The following SRP72 variants were observed in gnomAD, a reference collection of about 807,000 sequenced individuals.
SRP72 encodes the protein signal recognition particle subunit SRP72.
A neutral mutation model predicts 96.3 loss-of-function variants in SRP72; 49 were observed. That is an observed-to-expected ratio of 0.51 (90% CI 0.40 to 0.65). The LOEUF (loss-of-function observed/expected upper bound fraction) is 0.65. Among genes scored for constraint, SRP72 ranks in the 30% least tolerant of loss-of-function variants. The pLI is 0.00. For missense variants in SRP72, 736 were observed against 793.3 expected, an observed-to-expected ratio of 0.93 and a Z score of 0.87; for synonymous variants, 267 against 275.2, an observed-to-expected ratio of 0.97 and a Z score of 0.30.
chr4:56,482,054 G>A (rs941285807), intron 8 of SRP72, among the ~76,000 whole-genome samples: 32 of 151,468 alleles, frequency 2.1e-4, no homozygotes, highest in African/African-American at 7.7e-4. Context: ...GTGAGCCACT[G>A]TGCCTGGCCA....
intron 17 of SRP72, among the ~76,000 whole-genome samples, chr4:56,498,169 A>AT (rs1413323012): frequency 9.9e-5 from 15 of 151,890 alleles, no homozygotes; most frequent in African/African-American, 3.4e-4. Context: ...TGGTCTCTGA[A>AT]TTTTTTTGTC....
Position 56,469,745 on chromosome 4 carries a change from A to G in SRP72, c.202A>G (p.Ile68Val), listed in dbSNP as rs1414883421. The stretch of plus-strand genomic sequence containing the variant: ...AAGTTTCAAGGAAGCTTTGAATGTC[A>G]TCAATACTCACACCAAAGTGTTAGC... ...NGSFKEALNVINTHTKVLANN... is the reference protein window; with the variant it reads ...NGSFKEALNVVNTHTKVLANN... The change falls in exon 2 of 19, where the codon ATC (isoleucine) becomes GTC (valine). Residue 68 changes from isoleucine (I) to valine (V), a missense_variant. By Grantham distance (29) the Ile-to-Val change is conservative (BLOSUM62 3). Transcript: ENST00000642900. 8.1e-6 allele frequency: 13 copies of G among 1,611,662 alleles called. No homozygotes were observed. The South Asian group carries it at 1.2e-4, about 15-fold the overall frequency.
At chr4:56,492,316 A>G (rs1023653015) in intron 16 of SRP72, among the ~76,000 whole-genome samples, 3 of 152,206 alleles carry the variant, frequency 2.0e-5, no homozygotes, top group Non-Finnish European at 4.4e-5. Context: ...CATTTAGTAT[A>G]TGATTTCTTT....
At chr4:56,468,971 A>G (rs1487726892) in intron 1 of SRP72, among the ~76,000 whole-genome samples, 1 of 152,216 alleles carries the variant, frequency 6.6e-6, no homozygotes, top group African/African-American at 2.4e-5. Context: ...AACACCGAAC[A>G]GTTGTTAGCG....
At position 56,490,275 on chromosome 4, in the gene SRP72, C is replaced by T. The variant is rs898529311; in HGVS notation, c.1321-58C>T. 10 of 1,331,500 alleles carry T rather than the reference C, an allele frequency of 7.5e-6. No homozygotes were observed. The East Asian group carries it at 1.8e-4, about 25-fold the overall frequency. 82.5% of individuals were successfully genotyped at this position (1,331,500 alleles called of 1,614,324 possible). ...CTTAAAGGTCTAATGAATATAACTG[C>T]ATGCACTTGCTAGATATTTAACTTG... On this transcript the variant is annotated intron_variant, in intron 13 of 18. Transcript: ENST00000642900.
chr4:56,480,921 A>G (rs536704744), intron 8 of SRP72, among the ~76,000 whole-genome samples: 1 of 152,222 alleles, frequency 6.6e-6, no homozygotes, highest in African/African-American at 2.4e-5. Context: ...CACAAAAAAA[A>G]GTACATATGA....
rs888290138 is a variant in SRP72, at chr4:56,481,397, T to C, written c.826-1742T>C. 2.0e-5 allele frequency among the ~76,000 whole-genome samples: 3 copies of C among 152,328 alleles called. No individual in the cohort carries two copies. The South Asian group carries it at 6.2e-4, about 32-fold the overall frequency. On this transcript the variant is annotated intron_variant, in intron 8 of 18. Transcript: ENST00000642900. ...TTTGTGCTTCTCAGGATGCAATCAG[T>C]GTGACTTAGTTTTCTCCCTTTTTTT...
intron 12 of SRP72, 148 bp downstream of exon 12, chr4:56,488,161 T>G (rs1462198740): frequency 6.8e-6 from 4 of 589,112 alleles, no homozygotes; most frequent in East Asian, 3.2e-5. Context: ...GGTATAAATT[T>G]AATTTCATTC....
At position 56,469,718 on chromosome 4, in the gene SRP72, G is replaced by A; in HGVS notation, c.175G>A (p.Gly59Arg). The change falls in exon 2 of 19, where the codon GGA becomes AGA. Residue 59 changes from glycine to arginine, a missense_variant. By Grantham distance (125) the Gly-to-Arg change is moderately radical. This residue lies in a region of SRP72 where 329 missense variants were observed against 319.0 expected (regional missense o/e 1.03). Coordinates refer to ENST00000642900, the MANE Select transcript of SRP72 (RefSeq NM_006947.4). ...TAAAGTGGTATGCCTTATCCAGAAT[G>A]GAAGTTTCAAGGAAGCTTTGAATGT... is the stretch of plus-strand genomic sequence containing the variant. ...HCKVVCLIQNGSFKEALNVIN... is the reference protein window; with the variant it reads ...HCKVVCLIQNRSFKEALNVIN... 1 of 1,612,788 alleles carries A rather than the reference G, an allele frequency of 6.2e-7. No homozygotes were observed. The highest frequency in any genetic ancestry group is 8.5e-7 in the Non-Finnish European group (1 of 1,179,066).
At chr4:56,497,948 C>G (rs1721134462) in intron 17 of SRP72, among the ~76,000 whole-genome samples, 1 of 152,098 alleles carries the variant, frequency 6.6e-6, no homozygotes, top group South Asian at 2.1e-4. Context: ...AATGACTTTC[C>G]TTTCTCCTAG....
chr4:56,489,909 A>C (rs1405861666), intron 13 of SRP72, among the ~76,000 whole-genome samples: 1 of 152,206 alleles, frequency 6.6e-6, no homozygotes, highest in East Asian at 1.9e-4. Flanking sequence ...GGATCTCTGC[A>C]TGGGCAGTAT....
Position 56,501,928 on chromosome 4 carries a change from A to G in SRP72, c.*67A>G, listed in dbSNP as rs532805167. 6.6e-7 allele frequency: 1 copy of G among 1,525,344 alleles called. No homozygotes were observed. The highest frequency in any genetic ancestry group is 9.1e-7 in the Non-Finnish European group (1 of 1,103,214). The allele number at this position is 1,525,344 out of a possible 1,614,324, so 94.5% of individuals were successfully genotyped here. Reference sequence around the variant, plus strand: ...GTGACACTAGGAATATAATAAAGGTAACACAGCAAGAAGCACAGAACTACT... The same window carrying G: ...GTGACACTAGGAATATAATAAAGGTGACACAGCAAGAAGCACAGAACTACT... On this transcript the variant is annotated 3_prime_UTR_variant, in exon 19 of 19. Coordinates refer to ENST00000642900, the MANE Select transcript of SRP72 (RefSeq NM_006947.4).
chr4:56,468,621 G>A (rs1407109759), intron 1 of SRP72, among the ~76,000 whole-genome samples: 1 of 152,086 alleles, frequency 6.6e-6, no homozygotes, highest in Non-Finnish European at 1.5e-5. Flanking sequence ...AGGTGTGTCA[G>A]TAACATGCAA....
At position 56,474,084 on chromosome 4, in the gene SRP72, T is replaced by C. The variant is rs778282233; in HGVS notation, c.385T>C (p.Leu129=). The change falls in exon 4 of 19, where the codon TTA becomes CTA. Residue 129 remains leucine, a synonymous_variant. Transcript: ENST00000642900. ...LYRLERYDEC[L]AVYRDLVRNS... is the part of the protein sequence containing the mutation. ...CCGTTTGGAACGCTATGATGAATGC[T>C]TAGCAGTGTATAGAGATCTCGTCCG... 13 of 1,614,010 alleles carry C rather than the reference T, an allele frequency of 8.1e-6. No individual in the cohort carries two copies. The highest frequency in any genetic ancestry group is 1.1e-5 in the Non-Finnish European group (13 of 1,180,010).
chr4:56,487,718 T>C (rs1720767123), intron 11 of SRP72, among the ~76,000 whole-genome samples: 1 of 152,212 alleles, frequency 6.6e-6, no homozygotes, highest in Admixed American at 6.5e-5. Flanking sequence ...TAACTTTCTT[T>C]GTGAGCTTAA....
intron 8 of SRP72, 73 bp downstream of exon 8, chr4:56,478,722 T>A: frequency 6.9e-7 from 1 of 1,452,886 alleles, no homozygotes; most frequent in African/African-American, 1.4e-5. Flanking sequence ...AGTTTTGTTC[T>A]AGGATAGCCT....
intron 17 of SRP72, among the ~76,000 whole-genome samples, chr4:56,497,286 C>G (rs1014592342): frequency 6.7e-6 from 1 of 149,836 alleles, no homozygotes; most frequent in African/African-American, 2.5e-5. Context: ...GTGGCGCTAT[C>G]TCGGCTCACT....
chr4:56,467,632 C>T lies in SRP72; in HGVS notation c.-4C>T, dbSNP rs1467103288. 1.3e-6 allele frequency: 2 copies of T among 1,557,146 alleles called. No homozygotes were observed. The highest frequency in any genetic ancestry group is 1.7e-6 in the Non-Finnish European group (2 of 1,153,052). On this transcript the variant is annotated 5_prime_UTR_variant, in exon 1 of 19. Coordinates refer to ENST00000642900, the MANE Select transcript of SRP72 (RefSeq NM_006947.4). The stretch of plus-strand genomic sequence containing the variant: ...TCCCCGCCCCGCCCCTCGTCTCCTC[C>T]AAGATGGCGAGCGGCGGCAGCGGGG...
At position 56,485,062 on chromosome 4, in the gene SRP72, A is replaced by G. The variant is rs558069581; in HGVS notation, c.1086+198A>G. On this transcript the variant is annotated intron_variant, in intron 10 of 18. Transcript: ENST00000642900. The stretch of plus-strand genomic sequence containing the variant: ...ATTTCTTTGTGTTATATAAATTTCT[A>G]TAATGTAAATATTTGTTATAAATGC... 2.9e-4 allele frequency among the ~76,000 whole-genome samples: 44 copies of G among 152,318 alleles called. No homozygotes were observed. The Middle Eastern group carries it at 0.02, about 71-fold the overall frequency.
Sources: gnomAD v4.1 joint callset for allele counts (sites outside exome capture counted in the v4.1 genomes callset) on GRCh38, gnomAD v4.1.1 for gene constraint, gnomAD v4.1.1 regional missense constraint, MANE v1.5 for transcripts, NCBI Gene and HGNC (gene_info 2026-07-23, HGNC 2026-07-21) for gene names.